Variants in STAG2 observed in about 807,000 individuals in gnomAD.
The protein encoded by STAG2 is cohesin subunit SA-2.
A neutral mutation model predicts 108.1 loss-of-function variants in STAG2; 14 were observed. The observed-to-expected ratio is 0.13, with a 90% CI of 0.09 to 0.20. The LOEUF is 0.20. Ranked by LOEUF, STAG2 falls within the 10% of genes least tolerant of loss-of-function variation. The pLI is 1.00. For missense variants in STAG2, 440 were observed against 940.9 expected, an observed-to-expected ratio of 0.47 and a Z score of 6.96; for synonymous variants, 307 against 302.7, an observed-to-expected ratio of 1.01 and a Z score of -0.15.
At chrX:124,048,289 G>C (rs928158528) in intron 9 of STAG2, among the ~76,000 whole-genome samples, 5 of 111,825 alleles carry the variant, frequency 4.5e-5, no homozygotes, top group African/African-American at 1.6e-4. Context: ...AATTGACTAA[G>C]AAAAATCCTG....
chrX:123,980,365 A>G (rs778987851), intron 1 of STAG2, among the ~76,000 whole-genome samples: 4 of 111,152 alleles, frequency 3.6e-5, no homozygotes, highest in Non-Finnish European at 7.5e-5. Flanking sequence ...AGGATCACTG[A>G]TAAGAGTGGT....
In STAG2 at chrX:124,054,953, A is replaced by G. The variant is rs1306778822; in HGVS notation, c.1197-1175A>G. Among the ~76,000 whole-genome samples, 3 of 109,984 alleles carry G rather than the reference A, an allele frequency of 2.7e-5. No individual in the cohort carries two copies. In the Admixed American group the frequency reaches 2.9e-4, roughly 11 times the overall value. ...TTTTTTTTTTCTTTCCGTTTTTTGT[A>G]GAGATGAGGTCTCATGTTGCCCAGC... On this transcript the variant is annotated intron_variant, in intron 13 of 34. Coordinates refer to ENST00000371145, the MANE Select transcript of STAG2 (RefSeq NM_001042750.2).
rs776726698 is a variant in STAG2, at chrX:124,065,494, GAT to G, written c.2026-377_2026-376del. On this transcript the variant is annotated intron_variant, in intron 20 of 34. Coordinates refer to ENST00000371145, the MANE Select transcript of STAG2 (RefSeq NM_001042750.2). ...GATTAGTGTCATATGTCTTCATGAT[GAT>G]ATATGTTTAAGGTACTTAGATTTTG... 2.7e-4 allele frequency among the ~76,000 whole-genome samples: 30 copies of G among 111,345 alleles called. No homozygotes were observed. In the South Asian group the frequency reaches 9.7e-3, roughly 36 times the overall value.
Position 124,100,700 on chromosome X carries a change from A to G in STAG2, c.*103A>G. 8.6e-6 allele frequency: 6 copies of G among 700,990 alleles called. No homozygotes were observed. The allele number at this position is 700,990 out of a possible 1,213,427, so 57.8% of individuals were successfully genotyped here. On this transcript the variant is annotated 3_prime_UTR_variant, in exon 35 of 35. Transcript: ENST00000371145. ...GAAATTCTGTACAGATTTTTCTCTAAGGAGAATATGACATGCTTATGCTTA... is the reference window on the plus strand; with the variant it reads ...GAAATTCTGTACAGATTTTTCTCTAGGGAGAATATGACATGCTTATGCTTA...
intron 3 of STAG2, 123 bp from the exon 4 acceptor site, chrX:124,025,717 A>C (rs2148018196): frequency 1.2e-5 from 5 of 419,521 alleles, no homozygotes; most frequent in Non-Finnish European, 1.6e-5. Flanking sequence ...TTAATTACTT[A>C]TAATGCTAAT....
intron 1 of STAG2, among the ~76,000 whole-genome samples, chrX:123,973,577 G>C (rs1438792087): frequency 9.7e-6 from 1 of 103,056 alleles, no homozygotes; most frequent in Non-Finnish European, 2.0e-5. Context: ...GGGCGCGGTG[G>C]CTCACACCTG....
chrX:124,077,236 A>G (rs1468717622), intron 26 of STAG2, among the ~76,000 whole-genome samples: 11 of 109,954 alleles, frequency 1.0e-4, no homozygotes. Context: ...ATCATTTGGG[A>G]TGATAATTAC....
intron 1 of STAG2, among the ~76,000 whole-genome samples, chrX:123,998,168 A>ATT (rs1170203471): frequency 1.5e-4 from 13 of 84,228 alleles, no homozygotes; most frequent in South Asian, 5.3e-4. Context: ...ACTGTGTTTA[A>ATT]TTTTTTTTTT....
intron 1 of STAG2, among the ~76,000 whole-genome samples, chrX:124,020,355 C>T (rs1417128310): frequency 8.9e-6 from 1 of 112,051 alleles, no homozygotes. Context: ...CAGCAAGGAT[C>T]ACATGACCTT....
At position 124,090,883 on chromosome X, in the gene STAG2, GACA is replaced by G. The variant is rs1333234062; in HGVS notation, c.3502_3504del (p.Gln1168del). The G allele has an allele frequency of 6.6e-6, 8 of 1,209,856 alleles. No individual in the cohort carries two copies. Among genetic ancestry groups the G allele is most frequent in the African/African-American group, 3.5e-5 (2 of 57,170 alleles). ...CAGGTAACATGGATGTTAGCTCAAA[GACA>G]ACAAGAGGAAGCAAGGCAACAGCAG... On this transcript the variant is annotated inframe_deletion, in exon 32 of 35. Coordinates refer to ENST00000371145, the MANE Select transcript of STAG2 (RefSeq NM_001042750.2).
chrX:124,057,866 G>A lies in STAG2; in HGVS notation c.1305G>A (p.Lys435=). The A allele has an allele frequency of 8.9e-7, 1 of 1,121,662 alleles. No homozygotes were observed. Among genetic ancestry groups the A allele is most frequent in the East Asian group, 3.2e-5 (1 of 31,564 alleles). 92.4% of individuals were successfully genotyped at this position (1,121,662 alleles called of 1,213,427 possible). The change falls in exon 15 of 35, where the codon AAG becomes AAA. Residue 435 remains lysine (K), a splice_region_variant and synonymous_variant. Coordinates refer to ENST00000371145, the MANE Select transcript of STAG2 (RefSeq NM_001042750.2). ...AVAAGEFLYK[K]LFSRRDPEED... The stretch of plus-strand genomic sequence containing the variant: ...AATAAATATTTTACTTTTTTCACAG[G>A]CTCTTCAGTCGTAGAGATCCAGAGG...
At chrX:124,004,713 T>C (rs2056205551) in intron 1 of STAG2, among the ~76,000 whole-genome samples, 2 of 112,104 alleles carry the variant, frequency 1.8e-5, no homozygotes, top group South Asian at 7.3e-4. Flanking sequence ...GTGCATTCTA[T>C]TAAAAATGTT....
chrX:124,054,737 AC>A (rs1310554513), intron 13 of STAG2, among the ~76,000 whole-genome samples: 3 of 111,858 alleles, frequency 2.7e-5, no homozygotes, highest in African/African-American at 9.8e-5. Context: ...CTGTAGAGTT[AC>A]AGTACTTTAA....
At chrX:124,018,663 G>T (rs149415908) in intron 1 of STAG2, among the ~76,000 whole-genome samples, 2 of 110,464 alleles carry the variant, frequency 1.8e-5, no homozygotes, top group East Asian at 5.7e-4. Flanking sequence ...ATCATGCCCG[G>T]CTGATTTTTT....
chrX:124,005,155 T>C (rs766386476), intron 1 of STAG2, among the ~76,000 whole-genome samples: 2 of 112,233 alleles, frequency 1.8e-5, no homozygotes, highest in Non-Finnish European at 3.8e-5. Context: ...TGTATTTTTT[T>C]TATTGTTGTT....
At chrX:123,997,437 C>CT (rs1161371662) in intron 1 of STAG2, among the ~76,000 whole-genome samples, 4 of 111,964 alleles carry the variant, frequency 3.6e-5, no homozygotes, top group Non-Finnish European at 7.5e-5. Flanking sequence ...AACTGAAACT[C>CT]TGGACCCATA....
At chrX:124,034,060 C>T (rs1008385012) in intron 5 of STAG2, among the ~76,000 whole-genome samples, 3 of 111,782 alleles carry the variant, frequency 2.7e-5, no homozygotes, top group African/African-American at 9.7e-5. Context: ...CCCTTCAGAC[C>T]ACAGCTATGA....
intron 1 of STAG2, among the ~76,000 whole-genome samples, chrX:123,985,428 A>T (rs1213109431): frequency 4.5e-5 from 5 of 110,566 alleles, no homozygotes; most frequent in Non-Finnish European, 9.5e-5. Flanking sequence ...ATGGCGTCTT[A>T]CTTTGTTCCC....
At chrX:124,028,834 A>G (rs1158476300) in intron 4 of STAG2, among the ~76,000 whole-genome samples, 5 of 94,065 alleles carry the variant, frequency 5.3e-5, no homozygotes, top group Non-Finnish European at 8.2e-5. Flanking sequence ...TTTTTTTTTT[A>G]TAGAGATGGG....
Sources: allele counts gnomAD v4.1 joint callset (sites outside exome capture counted in the v4.1 genomes callset), GRCh38; gene constraint gnomAD v4.1.1; transcripts MANE v1.5; gene names NCBI Gene and HGNC (gene_info 2026-07-23, HGNC 2026-07-21).